The following NHLRC2 variants were observed in gnomAD, a reference collection of about 807,000 sequenced individuals.
NHLRC2 encodes the protein NHL repeat containing 2.
NHLRC2 carries 33 observed loss-of-function variants against 68.1 expected under a neutral mutation model. The ratio of observed to expected loss-of-function variants is 0.48; its 90% CI spans 0.37 to 0.65. The LOEUF is 0.65. NHLRC2 is among the 30% of genes least tolerant of loss of function. NHLRC2 has a pLI of 0.00. For missense variants in NHLRC2, 761 were observed against 853.8 expected (o/e 0.89, Z 1.35); for synonymous variants, 311 against 309.6 (o/e 1.00, Z -0.05).
intron 4 of NHLRC2, among the ~76,000 whole-genome samples, chr10:113,880,314 A>G (rs1846024809): frequency 6.6e-6 from 1 of 151,932 alleles, no homozygotes; most frequent in Non-Finnish European, 1.5e-5. Context: ...TTTTAAACAA[A>G]TGTAATGATG....
chr10:113,908,856 C>CTGA lies in NHLRC2; in HGVS notation c.*322_*324dup, dbSNP rs1413326684. On this transcript the variant is annotated 3_prime_UTR_variant, in exon 11 of 11. Transcript: ENST00000369301. Reference sequence around the variant, plus strand: ...ACTATAAGATAATTTGCAATAAATACTGATAATAATAATACCAGATATTTT... The same window carrying CTGA: ...ACTATAAGATAATTTGCAATAAATACTGATGATAATAATAATACCAGATATTTT... The CTGA allele has an allele frequency of 8.9e-6, 2 of 224,972 alleles. No individual in the cohort carries two copies. Among genetic ancestry groups the CTGA allele is most frequent in the Non-Finnish European group, 1.8e-5 (2 of 114,188 alleles). The allele number at this position is 224,972 out of a possible 1,614,324, so 13.9% of individuals were successfully genotyped here. A position where few individuals can be genotyped will look rare whatever the true frequency, so the allele number is the denominator to read the frequency against.
rs1360176205 is a variant in NHLRC2, at chr10:113,858,845, G to T, written c.331+165G>T. ...AGACTTCATGTACCTTTTCATAAAGGATTAAGCTTAGTGATAGTGGTTTGC... is the reference window on the plus strand; with the variant it reads ...AGACTTCATGTACCTTTTCATAAAGTATTAAGCTTAGTGATAGTGGTTTGC... On this transcript the variant is annotated intron_variant, in intron 2 of 10. Coordinates refer to ENST00000369301, the MANE Select transcript of NHLRC2 (RefSeq NM_198514.4). 3.4e-5 allele frequency: 16 copies of T among 469,904 alleles called. No individual in the cohort carries two copies. In the East Asian group the frequency reaches 5.1e-4, roughly 15 times the overall value. The allele number at this position is 469,904 out of a possible 1,614,324, so 29.1% of individuals were successfully genotyped here. A position where few individuals can be genotyped will look rare whatever the true frequency, so the allele number is the denominator to read the frequency against.
chr10:113,915,321 G>A lies in NHLRC2; in HGVS notation c.*6785G>A, dbSNP rs1047098139. 2.3e-6 allele frequency: 1 copy of A among 427,932 alleles called. No homozygotes were observed. 26.5% of individuals were successfully genotyped at this position (427,932 alleles called of 1,614,324 possible). A position where few individuals can be genotyped will look rare whatever the true frequency, so the allele number is the denominator to read the frequency against. On this transcript the variant is annotated 3_prime_UTR_variant, in exon 11 of 11. Coordinates refer to ENST00000369301, the MANE Select transcript of NHLRC2 (RefSeq NM_198514.4). ...AACAAGCACAAATGAACACTAAATA[G>A]CCTTATACCAAAAAGCATTCTTGTA...
intron 2 of NHLRC2, among the ~76,000 whole-genome samples, chr10:113,859,846 A>T (rs951035311): frequency 3.3e-5 from 5 of 152,194 alleles, no homozygotes; most frequent in Admixed American, 6.5e-5. Context: ...ATTGGAAAAG[A>T]TTTCTCAGAG....
intron 5 of NHLRC2, among the ~76,000 whole-genome samples, chr10:113,891,039 G>A (rs988677911): frequency 2.0e-5 from 3 of 152,120 alleles, no homozygotes; most frequent in Non-Finnish European, 4.4e-5. Flanking sequence ...CTACCCCCAT[G>A]ATCCAATCAC....
rs1845731159 is a variant in NHLRC2, at chr10:113,855,011, G to A, written c.139G>A (p.Gly47Ser). 2 of 1,553,330 alleles carry A rather than the reference G, an allele frequency of 1.3e-6. No homozygotes were observed. The highest frequency in any genetic ancestry group is 2.7e-5 in the African/African-American group (2 of 73,148). Residue 47 changes from glycine (G) to serine (S), a missense_variant, in exon 1 of 11, where the codon GGC (glycine) becomes AGC (serine). Coordinates refer to ENST00000369301, the MANE Select transcript of NHLRC2 (RefSeq NM_198514.4). ...CTACCAGTATCTGCAGAAGGTGGAC[G>A]GCTGGGAGCAGGACTTGTCAGTACC... ...LVYQYLQKVD[G>S]WEQDLSVPEF...
chr10:113,887,952 G>A (rs1466504515), intron 5 of NHLRC2, among the ~76,000 whole-genome samples: 6 of 152,084 alleles, frequency 3.9e-5, no homozygotes, highest in South Asian at 2.1e-4. Context: ...ATCTTAGGCC[G>A]GGCATGATGG....
At chr10:113,891,500 G>T (rs1045329962) in intron 5 of NHLRC2, among the ~76,000 whole-genome samples, 12 of 152,134 alleles carry the variant, frequency 7.9e-5, no homozygotes, top group African/African-American at 2.9e-4. Context: ...GAGTCAATTT[G>T]GTCAGGAGCT....
At chr10:113,879,471 A>T (rs973933490) in intron 3 of NHLRC2, 103 bp from the exon 4 acceptor site, 27 of 1,058,596 alleles carry the variant, frequency 2.6e-5, no homozygotes, top group Middle Eastern at 5.9e-4. Context: ...TGGACATACC[A>T]TTTTTTTATA....
At chr10:113,884,142 C>A in intron 4 of NHLRC2, 109 bp from the exon 5 acceptor site, 1 of 889,602 alleles carries the variant, frequency 1.1e-6, no homozygotes, top group Non-Finnish European at 1.7e-6. Flanking sequence ...AAACTTTGTA[C>A]TGCACATACA....
chr10:113,856,146 G>T (rs1180821932), intron 1 of NHLRC2, among the ~76,000 whole-genome samples: 11 of 152,178 alleles, frequency 7.2e-5, no homozygotes, highest in South Asian at 2.1e-4. Context: ...AGATATTCCC[G>T]GCAGGGATGT....
intron 2 of NHLRC2, among the ~76,000 whole-genome samples, chr10:113,875,681 G>T (rs117992132): frequency 0.017 from 2,612 of 152,278 alleles, 34 homozygotes; most frequent in Non-Finnish European, 0.027. Flanking sequence ...TTCAAGCAGG[G>T]TGTGTCTTCA....
In NHLRC2 at chr10:113,857,007, T is replaced by C. The variant is rs375322453; in HGVS notation, c.179-1521T>C. Among the ~76,000 whole-genome samples the C allele has an allele frequency of 4.6e-5, 7 of 152,200 alleles. No individual in the cohort carries two copies. In the East Asian group the frequency reaches 9.6e-4, roughly 21 times the overall value. ...CAAGTTACTTGACCTCAAAGCCTTA[T>C]ATTTCTCACTTGCAAAACTGAACTA... On this transcript the variant is annotated intron_variant, in intron 1 of 10. Transcript: ENST00000369301.
chr10:113,887,159 G>A (rs1465755776), intron 5 of NHLRC2, among the ~76,000 whole-genome samples: 1 of 152,130 alleles, frequency 6.6e-6, no homozygotes, highest in Admixed American at 6.5e-5. Flanking sequence ...GCAATGATGT[G>A]ATATTACCTC....
At chr10:113,899,124 C>T (rs1373929383) in intron 6 of NHLRC2, among the ~76,000 whole-genome samples, 1 of 152,114 alleles carries the variant, frequency 6.6e-6, no homozygotes, top group African/African-American at 2.4e-5. Flanking sequence ...GCTGCCCCTT[C>T]CTCTTTCTCT....
chr10:113,907,522 CAT>C (rs1277841626), intron 10 of NHLRC2, among the ~76,000 whole-genome samples: 2 of 152,138 alleles, frequency 1.3e-5, no homozygotes, highest in African/African-American at 4.8e-5. Context: ...CCCAGTATGA[CAT>C]GTGTGTTCCT....
At chr10:113,881,433 T>C (rs1045625470) in intron 4 of NHLRC2, among the ~76,000 whole-genome samples, 5 of 151,850 alleles carry the variant, frequency 3.3e-5, no homozygotes, top group Non-Finnish European at 5.9e-5. Flanking sequence ...CAAGAATATT[T>C]ATTGTGTTTT....
chr10:113,904,965 T>C lies in NHLRC2; in HGVS notation c.1853T>C (p.Leu618Pro), dbSNP rs1300770659. Residue 618 changes from leucine (L) to proline (P), a missense_variant, in exon 10 of 11, where the codon CTC becomes CCC. Leu to Pro is a moderately conservative substitution (Grantham distance 98). Transcript: ENST00000369301. ...GCTGGCCAGACTCTTCAGTTCAAAC[T>C]CAGATTAGACCTCCCATCAGGATCA... is the stretch of plus-strand genomic sequence containing the variant. The part of the protein sequence containing the change: ...ACAGQTLQFK[L>P]RLDLPSGSKL... The C allele has an allele frequency of 6.4e-7, 1 of 1,571,234 alleles. No homozygotes were observed. The highest frequency in any genetic ancestry group is 2.0e-5 in the Admixed American group (1 of 50,566).
chr10:113,855,454 A>G (rs762268775), intron 1 of NHLRC2, among the ~76,000 whole-genome samples: 2 of 151,874 alleles, frequency 1.3e-5, no homozygotes, highest in East Asian at 3.9e-4. Context: ...TTTTTCATGT[A>G]TCACACACAG....
Sources: gnomAD v4.1 joint callset for allele counts (sites outside exome capture counted in the v4.1 genomes callset) on GRCh38, gnomAD v4.1.1 for gene constraint, MANE v1.5 for transcripts, NCBI Gene and HGNC (gene_info 2026-07-23, HGNC 2026-07-21) for gene names.